The following BMPR1B variants were observed in gnomAD, a reference collection of about 807,000 sequenced individuals.
BMPR1B encodes the protein bone morphogenetic protein receptor type-1B.
BMPR1B carries 12 observed loss-of-function variants against 59.1 expected under a neutral mutation model. The ratio of observed to expected loss-of-function variants is 0.20; its 90% CI spans 0.13 to 0.33. The LOEUF is 0.33. BMPR1B is among the 10% of genes least tolerant of loss of function. BMPR1B has a pLI of 1.00. For missense variants in BMPR1B, 550 were observed against 610.9 expected (o/e 0.90, Z 1.05); for synonymous variants, 237 against 207.3 (o/e 1.14, Z -1.23).
chr4:94,937,521 C>T (rs3821963), intron 2 of BMPR1B, among the ~76,000 whole-genome samples: 42,744 of 151,930 alleles, frequency 0.28, 6,022 homozygotes, highest in South Asian at 0.39. Context: ...TCCTGCTCTA[C>T]GTGTTTAGCA....
intron 1 of BMPR1B, among the ~76,000 whole-genome samples, chr4:94,831,133 G>A (rs1441140479): frequency 1.3e-5 from 2 of 151,410 alleles, no homozygotes; most frequent in African/African-American, 4.9e-5. Context: ...TAGTGGGACA[G>A]GATATGGAGG....
chr4:95,057,702 A>G (rs964967949), intron 3 of BMPR1B, among the ~76,000 whole-genome samples: 8 of 152,134 alleles, frequency 5.3e-5, no homozygotes, highest in African/African-American at 1.9e-4. Context: ...GGTTTGGATT[A>G]TATTGACAAT....
chr4:95,004,620 T>G (rs1722692684), intron 3 of BMPR1B, among the ~76,000 whole-genome samples: 1 of 152,196 alleles, frequency 6.6e-6, no homozygotes, highest in African/African-American at 2.4e-5. Flanking sequence ...TTGCTTTTTC[T>G]CCATGTAAAA....
rs146847164 is a variant in BMPR1B at position 95,032,678 on chromosome 4, A to G, written c.-18+36544A>G. Among the ~76,000 whole-genome samples, 937 of 152,216 alleles carry G rather than the reference A, an allele frequency of 6.2e-3. 6 individuals carry two copies. The highest frequency in any genetic ancestry group is 8.9e-3 in the Non-Finnish European group (605 of 67,994). On this transcript the variant is annotated intron_variant, in intron 3 of 12. Transcript: ENST00000515059. ...GGCCTAATATCCTTAAAGTTTATCC[A>G]TGTTGTAGTATGTGTCAGAATTTTC...
chr4:94,759,288 C>T (rs1278243321), intron 1 of BMPR1B, among the ~76,000 whole-genome samples: 2 of 152,212 alleles, frequency 1.3e-5, no homozygotes, highest in Non-Finnish European at 2.9e-5. Context: ...GTTTCACTAC[C>T]TCCAACAGAT....
intron 8 of BMPR1B, among the ~76,000 whole-genome samples, chr4:95,126,498 A>G (rs1434221343): frequency 6.6e-6 from 1 of 152,092 alleles, no homozygotes; most frequent in Non-Finnish European, 1.5e-5. Flanking sequence ...CCTCATAGCA[A>G]CCCTATAAGG....
chr4:94,973,615 G>T (rs932725998), intron 2 of BMPR1B, among the ~76,000 whole-genome samples: 1 of 152,124 alleles, frequency 6.6e-6, no homozygotes, highest in Non-Finnish European at 1.5e-5. Flanking sequence ...GGGGCCATGG[G>T]TTGTTTAGGA....
intron 3 of BMPR1B, among the ~76,000 whole-genome samples, chr4:94,999,358 A>T (rs1722280821): frequency 1.3e-5 from 2 of 152,046 alleles, no homozygotes; most frequent in South Asian, 4.2e-4. Flanking sequence ...TCTCAAGTAG[A>T]TGGTACATAT....
At chr4:94,960,072 A>G (rs530169658) in intron 2 of BMPR1B, among the ~76,000 whole-genome samples, 201 of 152,178 alleles carry the variant, frequency 1.3e-3, no homozygotes, top group Middle Eastern at 3.4e-3. Context: ...TTATCTAATT[A>G]GAACTATCCG....
At chr4:94,990,787 G>A (rs1216175204) in intron 2 of BMPR1B, among the ~76,000 whole-genome samples, 3 of 152,088 alleles carry the variant, frequency 2.0e-5, no homozygotes, top group Admixed American at 1.3e-4. Flanking sequence ...TTGGTGTGCT[G>A]TACCCATCAA....
At chr4:94,946,621 T>G (rs2149049376) in intron 2 of BMPR1B, among the ~76,000 whole-genome samples, 1 of 152,322 alleles carries the variant, frequency 6.6e-6, no homozygotes, top group Middle Eastern at 3.4e-3. Context: ...TATTTCACTT[T>G]TAGAGTTTTT....
chr4:95,126,385 AC>A (rs1732904700), intron 8 of BMPR1B, among the ~76,000 whole-genome samples: 1 of 152,230 alleles, frequency 6.6e-6, no homozygotes, highest in African/African-American at 2.4e-5. Flanking sequence ...TATTTGGCTC[AC>A]ATCATATAAT....
intron 1 of BMPR1B, among the ~76,000 whole-genome samples, chr4:94,792,878 A>T (rs1723035416): frequency 6.6e-6 from 1 of 152,226 alleles, no homozygotes. Context: ...TTTCCAAAGC[A>T]ACATAAAGAA....
chr4:95,001,369 CTTAAT>C (rs1722435710), intron 3 of BMPR1B, among the ~76,000 whole-genome samples: 1 of 584 alleles, frequency 1.7e-3, no homozygotes, highest in Non-Finnish European at 6.8e-3. Flanking sequence ...GATGGTATTT[CTTAAT>C]ACCATCAAGT....
chr4:94,879,471 G>A (rs1726872526), intron 2 of BMPR1B, among the ~76,000 whole-genome samples: 2 of 152,024 alleles, frequency 1.3e-5, no homozygotes, highest in African/African-American at 4.8e-5. Context: ...GGTGTGCTGG[G>A]GTGTGCCTGT....
chr4:94,979,558 C>G lies in BMPR1B; in HGVS notation c.-112-16482C>G, dbSNP rs7662327. Among the ~76,000 whole-genome samples, 384 of 152,238 alleles carry G rather than the reference C, an allele frequency of 2.5e-3. 1 individual carries two copies. The highest frequency in any genetic ancestry group is 9.0e-3 in the African/African-American group (372 of 41,548). On this transcript the variant is annotated intron_variant, in intron 2 of 12. Coordinates refer to ENST00000515059, the MANE Select transcript of BMPR1B (RefSeq NM_001203.3). ...GTTTTAACTGGCCAGGTATAGAAAC[C>G]TTGTGTTTTTGTAAGAAAAGAGGAA... is the stretch of plus-strand genomic sequence containing the variant.
At chr4:94,786,590 A>G (rs372548083) in intron 1 of BMPR1B, among the ~76,000 whole-genome samples, 6 of 152,142 alleles carry the variant, frequency 3.9e-5, no homozygotes, top group African/African-American at 1.2e-4. Flanking sequence ...CCAGGCTGGA[A>G]TGCAGTGGTG....
chr4:94,790,520 C>T (rs1342695265), intron 1 of BMPR1B, among the ~76,000 whole-genome samples: 1 of 152,076 alleles, frequency 6.6e-6, no homozygotes, highest in African/African-American at 2.4e-5. Context: ...CTCCCTTTTC[C>T]CCGGCGTTCT....
chr4:95,047,430 C>G (rs1726135058), intron 3 of BMPR1B, among the ~76,000 whole-genome samples: 1 of 152,066 alleles, frequency 6.6e-6, no homozygotes, highest in Non-Finnish European at 1.5e-5. Flanking sequence ...TGGAGTTGGC[C>G]TGATGTATTT....
Sources: gnomAD v4.1 joint callset for allele counts (sites outside exome capture counted in the v4.1 genomes callset) on GRCh38, gnomAD v4.1.1 for gene constraint, MANE v1.5 for transcripts, NCBI Gene and HGNC (gene_info 2026-07-23, HGNC 2026-07-21) for gene names.